KLF2: variants seen among roughly 807,000 people sequenced by gnomAD.
The protein encoded by KLF2 is KLF transcription factor 2.
KLF2 carries 9 observed loss-of-function variants against 22.2 expected under a neutral mutation model. The observed-to-expected ratio is 0.40, with a 90% confidence interval of 0.24 to 0.71. KLF2 has a LOEUF of 0.71. Ranked by LOEUF, KLF2 falls within the 30% of genes least tolerant of loss-of-function variation. The pLI, the probability that KLF2 is intolerant of heterozygous loss-of-function variation, is 0.35. For missense variants in KLF2, 481 were observed against 542.1 expected (o/e 0.89, Z 1.12); for synonymous variants, 299 against 264.2 (o/e 1.13, Z -1.28).
intron 1 of KLF2, 82 bp downstream of exon 1, chr19:16,325,080 G>C: frequency 7.3e-7 from 1 of 1,375,424 alleles, no homozygotes; most frequent in Non-Finnish European, 9.8e-7. Context: ...CGGGGTGACA[G>C]GACGCGAAGG....
At chr19:16,326,073 G>A (rs1352187973) in intron 2 of KLF2, 41 bp downstream of exon 2, 1 of 1,516,924 alleles carries the variant, frequency 6.6e-7, no homozygotes, top group South Asian at 1.2e-5. Flanking sequence ...GCGGGGGGAC[G>A]CGGGAGGAGA....
chr19:16,328,433 C>G lies in KLF2; in HGVS notation c.*1402C>G, dbSNP rs572587291. On this transcript the variant is annotated 3_prime_UTR_variant, in exon 3 of 3. Coordinates refer to ENST00000248071, the MANE Select transcript of KLF2 (RefSeq NM_016270.4). ...TCACCTTCCCCATTCTCAGGGGCCC[C>G]GGGTAACCATGACCACCAACCATTG... is the stretch of plus-strand genomic sequence containing the variant. Among the ~76,000 whole-genome samples the G allele has an allele frequency of 6.6e-6, 1 of 152,126 alleles. No homozygotes were observed. Among genetic ancestry groups the G allele is most frequent in the Admixed American group, 6.6e-5 (1 of 15,244 alleles).
chr19:16,327,071 T>G lies in KLF2; in HGVS notation c.*40T>G, dbSNP rs1036792926. Reference sequence around the variant, plus strand: ...CCCACCTGCGCGCGGCCGTGGCGGGTCCCACGCGCCGGGCGCGGCCCCCTC... The same window carrying G: ...CCCACCTGCGCGCGGCCGTGGCGGGGCCCACGCGCCGGGCGCGGCCCCCTC... On this transcript the variant is annotated 3_prime_UTR_variant, in exon 3 of 3. Transcript: ENST00000248071. The G allele has an allele frequency of 9.3e-6, 14 of 1,499,934 alleles. No individual in the cohort carries two copies. Among genetic ancestry groups the G allele is most frequent in the Non-Finnish European group, 1.2e-5 (14 of 1,121,560 alleles). The allele number at this position is 1,499,934 out of a possible 1,614,324, so 92.9% of individuals were successfully genotyped here.
intron 2 of KLF2, 47 bp downstream of exon 2, chr19:16,326,079 G>GGA: frequency 6.6e-7 from 1 of 1,506,834 alleles, no homozygotes. Context: ...GGACGCGGGA[G>GGA]GAGAGGTCGG....
In KLF2 at chr19:16,325,758, G is replaced by T; in HGVS notation, c.618G>T (p.Gly206=). The change falls in exon 2 of 3, where the codon GGG becomes GGT. Residue 206 remains glycine (G), a synonymous_variant. Transcript: ENST00000248071. ...GTGGCCCTGGTTTCGGCGCGCCCGG[G>T]CCCGGCCTGCATTACGCGCCGCCTG... ...PFGGPGFGAP[G]PGLHYAPPAP... 8.0e-7 allele frequency: 1 copy of T among 1,253,388 alleles called. No individual in the cohort carries two copies. 77.6% of individuals were successfully genotyped at this position (1,253,388 alleles called of 1,614,324 possible).
intron 2 of KLF2, among the ~76,000 whole-genome samples, chr19:16,326,343 G>A (rs2091890248): frequency 6.6e-6 from 1 of 151,860 alleles, no homozygotes; most frequent in South Asian, 2.1e-4. Flanking sequence ...TGGCTAGGGA[G>A]ACAGTCTCAG....
Position 16,327,304 on chromosome 19 carries a change from A to ACCC in KLF2, c.*275_*276insCCC. The stretch of plus-strand genomic sequence containing the variant: ...TAATTTAAGTGGCATCTTCTCTCCC[A>ACCC]CCGGGTCTACACTAGAGGATCGAGG... On this transcript the variant is annotated 3_prime_UTR_variant, in exon 3 of 3. Transcript: ENST00000248071. 4 of 276,080 alleles carry ACCC rather than the reference A, an allele frequency of 1.4e-5. No individual in the cohort carries two copies. The highest frequency in any genetic ancestry group is 1.5e-4 in the South Asian group (2 of 13,226). 17.1% of individuals were successfully genotyped at this position (276,080 alleles called of 1,614,324 possible).
Position 16,327,276 on chromosome 19 carries a change from CAATAA to C in KLF2, c.*246_*250del. On this transcript the variant is annotated 3_prime_UTR_variant, in exon 3 of 3. Transcript: ENST00000248071. The stretch of plus-strand genomic sequence containing the variant: ...ACGAGTTTTGTTTTTCAAAATGGTG[CAATAA>C]TTTAAGTGGCATCTTCTCTCCCACC... 1.3e-5 allele frequency: 6 copies of C among 468,072 alleles called. No homozygotes were observed. The highest frequency in any genetic ancestry group is 2.0e-5 in the African/African-American group (1 of 49,810). 29.0% of individuals were successfully genotyped at this position (468,072 alleles called of 1,614,324 possible). A position where few individuals can be genotyped will look rare whatever the true frequency, so the allele number is the denominator to read the frequency against.
At position 16,325,527 on chromosome 19, in the gene KLF2, C is replaced by T; in HGVS notation, c.387C>T (p.Asp129=). 1.6e-6 allele frequency: 2 copies of T among 1,250,420 alleles called. No homozygotes were observed. The highest frequency in any genetic ancestry group is 2.5e-5 in the South Asian group (1 of 39,264). 77.5% of individuals were successfully genotyped at this position (1,250,420 alleles called of 1,614,324 possible). Reference sequence around the variant, plus strand: ...TCAAGGCCGAGCCCCCTGAAGCGGACGGCGGCGGCGGCTACGGCTGCGCCC... The same window carrying T: ...TCAAGGCCGAGCCCCCTGAAGCGGATGGCGGCGGCGGCTACGGCTGCGCCC... ...RLVKAEPPEA[D]GGGGYGCAPG... Residue 129 remains aspartate (D), a synonymous_variant, in exon 2 of 3, where the codon GAC becomes GAT. Transcript: ENST00000248071.
At position 16,325,459 on chromosome 19, in the gene KLF2, G is replaced by A. The variant is rs774003652; in HGVS notation, c.319G>A (p.Ala107Thr). The A allele has an allele frequency of 2.2e-6, 3 of 1,393,438 alleles. No homozygotes were observed. Among genetic ancestry groups the A allele is most frequent in the South Asian group, 1.5e-5 (1 of 65,396 alleles). The allele number at this position is 1,393,438 out of a possible 1,614,324, so 86.3% of individuals were successfully genotyped here. ...RPELDAPLGP[A>T]LHGRFLLAPP... is the part of the protein sequence containing the mutation. ...CGAGCTGGATGCGCCGCTGGGGCCC[G>A]CACTGCACGGCCGCTTTCTGCTGGC... is the stretch of plus-strand genomic sequence containing the variant. Residue 107 changes from alanine (A) to threonine (T), a missense_variant, in exon 2 of 3, where the codon GCA becomes ACA. By Grantham distance (58) the Ala-to-Thr change is moderately conservative (BLOSUM62 0). Coordinates refer to ENST00000248071, the MANE Select transcript of KLF2 (RefSeq NM_016270.4).
In KLF2 at chr19:16,328,619, G is replaced by T. The variant is rs890275592; in HGVS notation, c.*1588G>T. 2.0e-5 allele frequency among the ~76,000 whole-genome samples: 3 copies of T among 152,182 alleles called. No homozygotes were observed. The highest frequency in any genetic ancestry group is 7.2e-5 in the African/African-American group (3 of 41,440). On this transcript the variant is annotated 3_prime_UTR_variant, in exon 3 of 3. Coordinates refer to ENST00000248071, the MANE Select transcript of KLF2 (RefSeq NM_016270.4). ...AGCTGAGAGGTGTTTGGTAATCCAC[G>T]AAAAGCAGAAATACGATTTGACAAT...
chr19:16,326,841 G>A lies in KLF2; in HGVS notation c.893-15G>A, dbSNP rs771278780. ...GGGAGGGGAACTGACGCTTACTCTCGCCCCCTCCCTGCAGGTGAGAAGCCC... is the reference window on the plus strand; with the variant it reads ...GGGAGGGGAACTGACGCTTACTCTCACCCCCTCCCTGCAGGTGAGAAGCCC... On this transcript the variant is annotated splice_polypyrimidine_tract_variant and intron_variant, in intron 2 of 2. Transcript: ENST00000248071. The A allele has an allele frequency of 3.7e-6, 6 of 1,601,978 alleles. No homozygotes were observed. The highest frequency in any genetic ancestry group is 2.6e-6 in the Non-Finnish European group (3 of 1,174,618).
rs1377877947 is a variant in KLF2, at chr19:16,328,443, T to C, written c.*1412T>C. On this transcript the variant is annotated 3_prime_UTR_variant, in exon 3 of 3. Transcript: ENST00000248071. ...CATTCTCAGGGGCCCCGGGTAACCA[T>C]GACCACCAACCATTGCACAAGTTTC... is the stretch of plus-strand genomic sequence containing the variant. Among the ~76,000 whole-genome samples the C allele has an allele frequency of 6.6e-6, 1 of 152,072 alleles. No individual in the cohort carries two copies. Among genetic ancestry groups the C allele is most frequent in the Non-Finnish European group, 1.5e-5 (1 of 68,022 alleles).
Position 16,328,409 on chromosome 19 carries a change from C to G in KLF2, c.*1378C>G, listed in dbSNP as rs967956860. 6.6e-6 allele frequency among the ~76,000 whole-genome samples: 1 copy of G among 152,138 alleles called. No individual in the cohort carries two copies. The highest frequency in any genetic ancestry group is 2.4e-5 in the African/African-American group (1 of 41,426). ...CCCCCAGATTTCACCTGCCACCCCT[C>G]ACCTTCCCCATTCTCAGGGGCCCCG... On this transcript the variant is annotated 3_prime_UTR_variant, in exon 3 of 3. Coordinates refer to ENST00000248071, the MANE Select transcript of KLF2 (RefSeq NM_016270.4).
At chr19:16,326,387 C>T (rs2091890373) in intron 2 of KLF2, among the ~76,000 whole-genome samples, 1 of 151,914 alleles carries the variant, frequency 6.6e-6, no homozygotes, top group Non-Finnish European at 1.5e-5. Context: ...TTAGGAGCCG[C>T]TGGGCACTTG....
At chr19:16,325,138 G>A in intron 1 of KLF2, 78 bp from the exon 2 acceptor site, 1 of 1,326,338 alleles carries the variant, frequency 7.5e-7, no homozygotes, top group Non-Finnish European at 1.0e-6. Flanking sequence ...CGGGGATCGC[G>A]GACTTAGGGT....
At chr19:16,325,170 C>T (rs2091884349) in intron 1 of KLF2, 46 bp from the exon 2 acceptor site, 1 of 1,423,230 alleles carries the variant, frequency 7.0e-7, no homozygotes, top group Non-Finnish European at 9.3e-7. Flanking sequence ...AGCAGCGCCC[C>T]CCGAGCCCCG....
chr19:16,325,047 T>C, intron 1 of KLF2, 49 bp downstream of exon 1: 1 of 1,440,952 alleles, frequency 6.9e-7, no homozygotes, highest in East Asian at 2.8e-5. Context: ...GGCGGCGGGC[T>C]CGGGGTAGTA....
rs149231822 is a variant in KLF2, at chr19:16,326,995, C to T, written c.1032C>T (p.Ser344=). The T allele has an allele frequency of 9.3e-6, 15 of 1,611,382 alleles. No homozygotes were observed. The highest frequency in any genetic ancestry group is 4.0e-5 in the African/African-American group (3 of 75,032). ...TGTGCGATCGTGCCTTCTCGCGCTC[C>T]GATCACCTGGCGCTGCACATGAAAC... ...CHLCDRAFSR[S]DHLALHMKRH... Residue 344 remains serine (S), a synonymous_variant, in exon 3 of 3, where the codon TCC becomes TCT. Coordinates refer to ENST00000248071, the MANE Select transcript of KLF2 (RefSeq NM_016270.4).
Sources: gnomAD v4.1 joint callset for allele counts (sites outside exome capture counted in the v4.1 genomes callset) on GRCh38, gnomAD v4.1.1 for gene constraint, MANE v1.5 for transcripts, NCBI Gene and HGNC (gene_info 2026-07-23, HGNC 2026-07-21) for gene names.